ZNF676: variants seen among roughly 807,000 people sequenced by gnomAD.
The protein encoded by ZNF676 is zinc finger protein 676.
A neutral mutation model predicts 6.0 loss-of-function variants in ZNF676; 4 were observed. The ratio of observed to expected loss-of-function variants is 0.67; its 90% CI spans 0.33 to 1.53. ZNF676 has a LOEUF of 1.53. Among genes scored for constraint, ZNF676 ranks in the 40% most tolerant of loss-of-function variants. The pLI, the probability that ZNF676 is intolerant of heterozygous loss-of-function variation, is 0.06. For synonymous variants in ZNF676, 198 were observed against 223.1 expected, an observed-to-expected ratio of 0.89 and a Z score of 1.00; for missense variants, 644 against 679.7, an observed-to-expected ratio of 0.95 and a Z score of 0.58.
chr19:22,244,645 T>C, the ZNF676 span: 1 of 152,248 alleles, frequency 6.6e-6, no homozygotes, highest in African/African-American at 2.4e-5. Context: ...ATGCTCCCTG[T>C]GGGAAAAGAC....
At chr19:22,247,379 C>T in the ZNF676 span, among the ~76,000 whole-genome samples, 5 of 151,642 alleles carry the variant, frequency 3.3e-5, no homozygotes. Context: ...GCCTGACCAA[C>T]ATGGAGAAAA....
At chr19:22,256,826 T>C in the ZNF676 span, among the ~76,000 whole-genome samples, 2 of 152,052 alleles carry the variant, frequency 1.3e-5, no homozygotes, top group African/African-American at 4.8e-5. Context: ...TATATCTTAA[T>C]ACCCCTGTAA....
Position 22,181,127 on chromosome 19 carries a change from TA to T in ZNF676, c.589del (p.Tyr197ThrfsTer21), listed in dbSNP as rs2023740790. On this transcript the variant is annotated frameshift_variant, in exon 3 of 3. Coordinates refer to ENST00000397121, the MANE Select transcript of ZNF676 (RefSeq NM_001001411.3). LOFTEE classifies it low-confidence loss of function (END_TRUNC). ...YKSIHTGEKP[Y>X]KCEECGKAFS... ...GGCTTTGCCACATTCTTCACATTTG[TA>T]GGGTTTCTCTCCAGTATGAATACTC... 1 of 1,613,748 alleles carries T rather than the reference TA, an allele frequency of 6.2e-7. No homozygotes were observed. The highest frequency in any genetic ancestry group is 8.5e-7 in the Non-Finnish European group (1 of 1,179,964).
chr19:22,186,972 A>G (rs1160877297), intron 2 of ZNF676, among the ~76,000 whole-genome samples: 1 of 152,170 alleles, frequency 6.6e-6, no homozygotes, highest in Non-Finnish European at 1.5e-5. Flanking sequence ...TAGACAGATA[A>G]ATGAGACAAA....
At chr19:22,193,818 C>T (rs1363919737) in intron 1 of ZNF676, among the ~76,000 whole-genome samples, 2 of 152,096 alleles carry the variant, frequency 1.3e-5, no homozygotes, top group Non-Finnish European at 2.9e-5. Flanking sequence ...CACTCCTGTA[C>T]AGTTTAAATT....
chr19:22,204,577 CA>C (rs1234355909), intron 1 of ZNF676, among the ~76,000 whole-genome samples: 1 of 152,176 alleles, frequency 6.6e-6, no homozygotes, highest in African/African-American at 2.4e-5. Flanking sequence ...CTGGCTTTCG[CA>C]GTGTAAGTAT....
At chr19:22,255,641 C>T in the ZNF676 span, among the ~76,000 whole-genome samples, 136 of 152,102 alleles carry the variant, frequency 8.9e-4, no homozygotes, top group Middle Eastern at 3.4e-3. Context: ...GTCAGGAGAT[C>T]GAGACCATCC....
the ZNF676 span, among the ~76,000 whole-genome samples, chr19:22,229,859 G>C: frequency 1.3e-5 from 2 of 152,096 alleles, no homozygotes; most frequent in African/African-American, 4.8e-5. Context: ...CATATGCTGG[G>C]GAGGATGAGG....
the ZNF676 span, among the ~76,000 whole-genome samples, chr19:22,252,103 T>C: frequency 2.6e-5 from 4 of 152,088 alleles, no homozygotes; most frequent in Non-Finnish European, 5.9e-5. Flanking sequence ...ATATTGATGC[T>C]TTCTCACCTG....
At chr19:22,222,178 C>T in the ZNF676 span, among the ~76,000 whole-genome samples, 2 of 152,048 alleles carry the variant, frequency 1.3e-5, no homozygotes, top group African/African-American at 4.8e-5. Flanking sequence ...GATCTTGGCT[C>T]ACTTGCAACC....
chr19:22,215,796 G>GGC, upstream of ZNF676: 1 of 664,596 alleles, frequency 1.5e-6, no homozygotes, highest in Non-Finnish European at 2.2e-6. Context: ...AAGCCGACCT[G>GGC]TCCCCCCCCC....
chr19:22,218,200 C>A (rs1192971905), upstream of ZNF676, among the ~76,000 whole-genome samples: 1 of 152,156 alleles, frequency 6.6e-6, no homozygotes, highest in Non-Finnish European at 1.5e-5. Context: ...CTTGGTCATG[C>A]ACTCTTTGCC....
At position 22,181,729 on chromosome 19, in the gene ZNF676, T is replaced by C. The variant is rs1215129864; in HGVS notation, c.131-143A>G. On this transcript the variant is annotated intron_variant, in intron 2 of 2. Coordinates refer to ENST00000397121, the MANE Select transcript of ZNF676 (RefSeq NM_001001411.3). ...CACAGGCCCTAATTCTTCATAGATA[T>C]ATAAATGTAATAAAAACATATAGAC... is the stretch of plus-strand genomic sequence containing the variant. The C allele has an allele frequency of 2.0e-5, 12 of 600,202 alleles. No homozygotes were observed. The East Asian group carries it at 3.1e-4, about 16-fold the overall frequency. The allele number at this position is 600,202 out of a possible 1,614,324, so 37.2% of individuals were successfully genotyped here.
chr19:22,220,673 T>A (rs1367641476), upstream of ZNF676, among the ~76,000 whole-genome samples: 2 of 152,048 alleles, frequency 1.3e-5, no homozygotes, highest in African/African-American at 4.8e-5. Flanking sequence ...ATCAGACTGG[T>A]CTCAAACACC....
intron 2 of ZNF676, among the ~76,000 whole-genome samples, chr19:22,182,131 A>AGT (rs1382332211): frequency 6.6e-6 from 1 of 152,156 alleles, no homozygotes; most frequent in Non-Finnish European, 1.5e-5. Context: ...CCACAGAGAG[A>AGT]GTACAGGTGT....
the ZNF676 span, among the ~76,000 whole-genome samples, chr19:22,232,935 A>T: frequency 6.6e-6 from 1 of 152,272 alleles, no homozygotes; most frequent in Admixed American, 6.5e-5. Flanking sequence ...AGACACAGCA[A>T]CTCTAAAAGT....
At chr19:22,248,689 T>G in the ZNF676 span, among the ~76,000 whole-genome samples, 1 of 152,176 alleles carries the variant, frequency 6.6e-6, no homozygotes, top group Admixed American at 6.6e-5. Flanking sequence ...TTCTTATCTT[T>G]TCTGTTATTT....
At chr19:22,254,537 T>C in the ZNF676 span, among the ~76,000 whole-genome samples, 2 of 152,116 alleles carry the variant, frequency 1.3e-5, no homozygotes, top group African/African-American at 4.8e-5. Flanking sequence ...ACTTAAGTGC[T>C]GGGTTTAGTG....
upstream of ZNF676, among the ~76,000 whole-genome samples, chr19:22,220,447 G>A (rs1022892542): frequency 1.4e-5 from 2 of 143,238 alleles, no homozygotes; most frequent in East Asian, 2.0e-4. Flanking sequence ...TGTCCTGGAC[G>A]TTTTTTGTTG....
Sources: gnomAD v4.1 joint callset for allele counts (sites outside exome capture counted in the v4.1 genomes callset) on GRCh38, gnomAD v4.1.1 for gene constraint, MANE v1.5 for transcripts, NCBI Gene and HGNC (gene_info 2026-07-23, HGNC 2026-07-21) for gene names.